XPO1: variants seen among roughly 807,000 people sequenced by gnomAD.
The protein encoded by XPO1 is exportin 1.
XPO1 carries 5 observed loss-of-function variants against 133.3 expected under a neutral mutation model. The ratio of observed to expected loss-of-function variants is 0.04; its 90% CI spans 0.02 to 0.08. XPO1 has a LOEUF of 0.08. XPO1 is among the 10% of genes least tolerant of loss of function. The pLI is 1.00. For synonymous variants in XPO1, 419 were observed against 408.2 expected, an observed-to-expected ratio of 1.03 and a Z score of -0.32; for missense variants, 506 against 1,267.5, an observed-to-expected ratio of 0.40 and a Z score of 9.12.
At chr2:61,531,093 A>G (rs1699135223) in intron 2 of XPO1, among the ~76,000 whole-genome samples, 1 of 152,208 alleles carries the variant, frequency 6.6e-6, no homozygotes. Flanking sequence ...CCACTATAGC[A>G]GCTCGCTGCT....
Position 61,481,527 on chromosome 2 carries a change from C to T in XPO1, c.2973-246G>A, listed in dbSNP as rs143765283. 1.7e-3 allele frequency among the ~76,000 whole-genome samples: 253 copies of T among 152,152 alleles called. 1 individual carries two copies. Among genetic ancestry groups the T allele is most frequent in the African/African-American group, 5.9e-3 (246 of 41,518 alleles). ...AGGTTGGAGTACAATCGCACAATCG[C>T]GGCTCACCGCAACCTCTGAAGCTAT... On this transcript the variant is annotated intron_variant, in intron 23 of 24. Coordinates refer to ENST00000401558, the MANE Select transcript of XPO1 (RefSeq NM_003400.4).
At chr2:61,481,856 C>CTCCCAA (rs1696376417) in intron 23 of XPO1, among the ~76,000 whole-genome samples, 1 of 151,964 alleles carries the variant, frequency 6.6e-6, no homozygotes, top group Non-Finnish European at 1.5e-5. Flanking sequence ...CCCCCTCAGC[C>CTCCCAA]TCCCAAGTAG....
intron 3 of XPO1, among the ~76,000 whole-genome samples, chr2:61,525,017 C>T (rs1474005109): frequency 6.6e-6 from 1 of 151,792 alleles, no homozygotes; most frequent in Non-Finnish European, 1.5e-5. Context: ...TCCAAACATT[C>T]TGAAGAATTA....
At chr2:61,495,101 C>T (rs1249815690) in intron 11 of XPO1, among the ~76,000 whole-genome samples, 1 of 152,002 alleles carries the variant, frequency 6.6e-6, no homozygotes, top group Non-Finnish European at 1.5e-5. Flanking sequence ...CCTCCGCCTC[C>T]CAAAGTGCTG....
At chr2:61,532,203 C>CT (rs1558683443) in intron 2 of XPO1, among the ~76,000 whole-genome samples, 1 of 152,146 alleles carries the variant, frequency 6.6e-6, no homozygotes, top group East Asian at 1.9e-4. Context: ...CCTCGGCTCA[C>CT]TGCAAGCTCC....
intron 4 of XPO1, among the ~76,000 whole-genome samples, chr2:61,514,883 A>G (rs1310435876): frequency 6.6e-6 from 1 of 152,008 alleles, no homozygotes. Context: ...GAGACCAGCC[A>G]GGCCAATATG....
At chr2:61,482,909 C>T in intron 22 of XPO1, 48 bp downstream of exon 22, 2 of 1,609,390 alleles carry the variant, frequency 1.2e-6, no homozygotes, top group Admixed American at 1.7e-5. Context: ...AGGCGTGAGG[C>T]CCTGTGCCCA....
Position 61,498,757 on chromosome 2 carries a change from G to A in XPO1, c.675C>T (p.Thr225=). The A allele has an allele frequency of 6.2e-7, 1 of 1,614,004 alleles. No homozygotes were observed. Among genetic ancestry groups the A allele is most frequent in the Non-Finnish European group, 8.5e-7 (1 of 1,179,970 alleles). ...NSQNAPLVHA[T]LETLLRFLNW... ...TCAGAAATCTGAGCAATGTTTCCAA[G>A]GTTGCATGTACAAGTGGAGCATTTT... Residue 225 remains threonine, a synonymous_variant, in exon 9 of 25, where the codon ACC becomes ACT. Coordinates refer to ENST00000401558, the MANE Select transcript of XPO1 (RefSeq NM_003400.4).
Position 61,493,073 on chromosome 2 carries a change from A to C in XPO1, c.1246-20T>G. ...ACGGACCTATACTCAACAATATATCAATCAAGAAAAAAATCGTTAGATCAC... is the reference window on the plus strand; with the variant it reads ...ACGGACCTATACTCAACAATATATCCATCAAGAAAAAAATCGTTAGATCAC... On this transcript the variant is annotated intron_variant, in intron 12 of 24. Coordinates refer to ENST00000401558, the MANE Select transcript of XPO1 (RefSeq NM_003400.4). 1 of 1,546,404 alleles carries C rather than the reference A, an allele frequency of 6.5e-7. No homozygotes were observed. The highest frequency in any genetic ancestry group is 2.3e-5 in the East Asian group (1 of 43,706).
At chr2:61,516,064 T>C (rs1198056486) in intron 4 of XPO1, among the ~76,000 whole-genome samples, 1 of 149,810 alleles carries the variant, frequency 6.7e-6, no homozygotes, top group Non-Finnish European at 1.5e-5. Flanking sequence ...AGGCTGAGCA[T>C]CCAGTGACCC....
intron 4 of XPO1, among the ~76,000 whole-genome samples, chr2:61,512,671 T>C (rs970098086): frequency 6.6e-6 from 1 of 152,228 alleles, no homozygotes; most frequent in African/African-American, 2.4e-5. Flanking sequence ...CAGGACAGCT[T>C]TTGTTGAAAT....
At chr2:61,530,057 T>G (rs1699086293) in intron 2 of XPO1, among the ~76,000 whole-genome samples, 1 of 152,228 alleles carries the variant, frequency 6.6e-6, no homozygotes, top group Non-Finnish European at 1.5e-5. Context: ...AAAGCACATT[T>G]TAGCAGTGTT....
intron 4 of XPO1, among the ~76,000 whole-genome samples, chr2:61,509,377 C>G (rs961661227): frequency 2.0e-5 from 3 of 152,058 alleles, no homozygotes; most frequent in African/African-American, 7.2e-5. Context: ...ATAGCTCACG[C>G]CTGTAATCCC....
At chr2:61,517,871 C>T (rs760737341) in intron 4 of XPO1, among the ~76,000 whole-genome samples, 1 of 151,906 alleles carries the variant, frequency 6.6e-6, no homozygotes, top group Non-Finnish European at 1.5e-5. Context: ...CAATGGCTCA[C>T]GCCTATAATC....
intron 16 of XPO1, 83 bp from the exon 17 acceptor site, chr2:61,490,859 T>A (rs1696945397): frequency 6.5e-7 from 1 of 1,534,624 alleles, no homozygotes; most frequent in Admixed American, 2.0e-5. Flanking sequence ...ACAAACGTCT[T>A]GAAACTGATT....
At chr2:61,484,807 T>G (rs1696597223) in intron 20 of XPO1, 1 of 152,462 alleles carries the variant, frequency 6.6e-6, no homozygotes, top group South Asian at 2.1e-4. Flanking sequence ...TTTTTGTATT[T>G]TTAGTAGAGA....
chr2:61,499,343 G>A (rs191089960), intron 7 of XPO1, among the ~76,000 whole-genome samples: 160 of 152,276 alleles, frequency 1.1e-3, no homozygotes, highest in Non-Finnish European at 1.9e-3. Flanking sequence ...AATCCAGGAG[G>A]TGGGGGTTGT....
In XPO1 at chr2:61,496,872, A is replaced by G. The variant is rs184529167; in HGVS notation, c.888+7T>C. ...TTCAGCCAATTTTCAAGATAGTATT[A>G]TATTACCTGCTTTAGTTGCATCATT... On this transcript the variant is annotated splice_region_variant and intron_variant, in intron 10 of 24. Coordinates refer to ENST00000401558, the MANE Select transcript of XPO1 (RefSeq NM_003400.4). 5.1e-5 allele frequency: 81 copies of G among 1,584,772 alleles called. No individual in the cohort carries two copies. In the Admixed American group the frequency reaches 1.5e-3, roughly 29 times the overall value.
intron 17 of XPO1, among the ~76,000 whole-genome samples, chr2:61,490,027 ATT>A (rs1696895934): frequency 6.7e-6 from 1 of 149,596 alleles, no homozygotes; most frequent in Non-Finnish European, 1.5e-5. Context: ...AGTAGCTGGG[ATT>A]ACAGGCGCCC....
Sources: allele counts gnomAD v4.1 joint callset (sites outside exome capture counted in the v4.1 genomes callset), GRCh38; gene constraint gnomAD v4.1.1; transcripts MANE v1.5; gene names NCBI Gene and HGNC (gene_info 2026-07-23, HGNC 2026-07-21).